Variants in SEPTIN6 observed in about 807,000 individuals in gnomAD.
SEPTIN6 encodes the protein septin-6.
SEPTIN6 carries 8 observed loss-of-function variants against 33.6 expected under a neutral mutation model. The ratio of observed to expected loss-of-function variants is 0.24; its 90% CI spans 0.14 to 0.43. SEPTIN6 has a LOEUF of 0.43. Ranked by LOEUF, SEPTIN6 falls within the 20% of genes least tolerant of loss-of-function variation. The pLI, the probability that SEPTIN6 is intolerant of heterozygous loss-of-function variation, is 1.00. For missense variants in SEPTIN6, 250 were observed against 340.8 expected, an observed-to-expected ratio of 0.73 and a Z score of 2.10; for synonymous variants, 131 against 140.0, an observed-to-expected ratio of 0.94 and a Z score of 0.45.
intron 3 of SEPTIN6, among the ~76,000 whole-genome samples, chrX:119,655,350 C>T (rs148792291): frequency 0.054 from 5,976 of 110,079 alleles, 157 homozygotes; most frequent in South Asian, 0.068. Context: ...GCTCTGCATT[C>T]CCTCCACCCC....
At chrX:119,649,391 G>A (rs1410192841) in intron 5 of SEPTIN6, among the ~76,000 whole-genome samples, 2 of 104,633 alleles carry the variant, frequency 1.9e-5, no homozygotes, top group African/African-American at 7.0e-5. Context: ...ACCATGCCCA[G>A]CCAACCCTGA....
intron 4 of SEPTIN6, among the ~76,000 whole-genome samples, chrX:119,652,360 C>T (rs1462854608): frequency 8.9e-6 from 1 of 111,800 alleles, no homozygotes; most frequent in Admixed American, 9.5e-5. Flanking sequence ...TGACAATGAG[C>T]AAGTCACTTA....
At chrX:119,678,956 C>CT (rs75714284) in intron 1 of SEPTIN6, among the ~76,000 whole-genome samples, 4 of 109,463 alleles carry the variant, frequency 3.7e-5, no homozygotes, top group East Asian at 5.7e-4. Flanking sequence ...CTTTTCTTTC[C>CT]TTTTTTTTTG....
chrX:119,667,212 C>T (rs980748233), intron 2 of SEPTIN6, among the ~76,000 whole-genome samples: 1 of 109,053 alleles, frequency 9.2e-6, no homozygotes, highest in Non-Finnish European at 1.9e-5. Flanking sequence ...GCTCCCCGAT[C>T]CTAAGAATTC....
chrX:119,677,215 T>C (rs2054856565), intron 1 of SEPTIN6, among the ~76,000 whole-genome samples: 1 of 112,024 alleles, frequency 8.9e-6, no homozygotes, highest in Non-Finnish European at 1.9e-5. Context: ...CTCCCAGCCC[T>C]GGAAAGCAGA....
chrX:119,625,495 G>A lies in SEPTIN6; in HGVS notation c.1281-116C>T. 1.2e-5 allele frequency: 8 copies of A among 670,375 alleles called. No individual in the cohort carries two copies. The South Asian group carries it at 1.7e-4, about 14-fold the overall frequency. The allele number at this position is 670,375 out of a possible 1,213,427, so 55.2% of individuals were successfully genotyped here. On this transcript the variant is annotated intron_variant, in intron 9 of 10. Transcript: ENST00000394610. ...CAAAGGTGATTAGGAGTAGCAGGAA[G>A]GGGAAGTGGGAAGGGTGGACTGGTA...
intron 3 of SEPTIN6, among the ~76,000 whole-genome samples, chrX:119,654,714 T>C (rs904780203): frequency 1.8e-5 from 2 of 111,763 alleles, no homozygotes; most frequent in Non-Finnish European, 3.8e-5. Flanking sequence ...TTTTTTAAGA[T>C]GGAGTTTCGC....
intron 1 of SEPTIN6, among the ~76,000 whole-genome samples, chrX:119,683,742 A>T (rs2055003713): frequency 9.0e-6 from 1 of 111,475 alleles, no homozygotes; most frequent in Non-Finnish European, 1.9e-5. Context: ...TTACTTTTTT[A>T]AAAAAGATTC....
chrX:119,667,956 T>TA (rs1301569112), intron 2 of SEPTIN6, among the ~76,000 whole-genome samples: 6 of 111,463 alleles, frequency 5.4e-5, no homozygotes, highest in African/African-American at 1.6e-4. Flanking sequence ...ACAATAGTTT[T>TA]AAAAAAAATT....
chrX:119,670,585 AG>A (rs2054728134), intron 2 of SEPTIN6, among the ~76,000 whole-genome samples: 1 of 105,190 alleles, frequency 9.5e-6, no homozygotes, highest in Admixed American at 1.0e-4. Context: ...AAAAAGAAGA[AG>A]AAGAAGAATT....
chrX:119,622,457 T>C (rs1480281850), intron 10 of SEPTIN6, among the ~76,000 whole-genome samples: 1 of 111,702 alleles, frequency 9.0e-6, no homozygotes, highest in East Asian at 2.8e-4. Context: ...TTTCAGATCC[T>C]GGGGAGCCAA....
In SEPTIN6 at chrX:119,675,638, C is replaced by A; in HGVS notation, c.61G>T (p.Gly21Ter). ...GGCAAGCTGTCAAACCCCACATGTC[C>A]AGCCAGGGGGACAGTTCGGCAACCT... is the stretch of plus-strand genomic sequence containing the variant. Reference protein sequence around the residue: ...GEGCRTVPLAGHVGFDSLPDQ... With the variant: ...GEGCRTVPLA The change falls in exon 2 of 11, where the codon GGA becomes TGA. Residue 21 changes from glycine to a stop codon, truncating the protein, a stop_gained. Coordinates refer to ENST00000394610, the MANE Select transcript of SEPTIN6 (RefSeq NM_145799.4). LOFTEE classifies it high-confidence loss of function. 8.7e-7 allele frequency: 1 copy of A among 1,152,799 alleles called. No homozygotes were observed. The highest frequency in any genetic ancestry group is 1.2e-6 in the Non-Finnish European group (1 of 861,780).
chrX:119,640,671 C>T (rs41311358), intron 6 of SEPTIN6, 21 bp downstream of exon 6: 22,225 of 1,150,848 alleles, frequency 0.019, 256 homozygotes, highest in Non-Finnish European at 0.02. Context: ...TGTGTGTAGC[C>T]CTTCCCGGAG....
intron 10 of SEPTIN6, among the ~76,000 whole-genome samples, chrX:119,623,524 G>A (rs1036528051): frequency 4.5e-5 from 5 of 111,586 alleles, no homozygotes; most frequent in East Asian, 2.8e-4. Flanking sequence ...AAGTTTCCAC[G>A]GTAAAGTTTA....
intron 2 of SEPTIN6, among the ~76,000 whole-genome samples, chrX:119,664,396 T>C (rs1256077848): frequency 5.3e-5 from 6 of 112,191 alleles, no homozygotes; most frequent in African/African-American, 1.9e-4. Flanking sequence ...CTCTTACCAA[T>C]GGCTATCTCT....
intron 3 of SEPTIN6, among the ~76,000 whole-genome samples, chrX:119,657,918 A>T (rs765242133): frequency 9.0e-6 from 1 of 111,717 alleles, no homozygotes; most frequent in Non-Finnish European, 1.9e-5. Context: ...GAGGTCAGGA[A>T]ATCAAGACCA....
intron 9 of SEPTIN6, 115 bp from the exon 10 acceptor site, chrX:119,625,494 AG>A: frequency 1.5e-6 from 1 of 675,224 alleles, no homozygotes; most frequent in South Asian, 2.4e-5. Context: ...AGTAGCAGGA[AG>A]GGGAAGTGGG....
rs186168692 is a variant in SEPTIN6 at position 119,627,219 on chromosome X, C to T, written c.1281-1840G>A. On this transcript the variant is annotated intron_variant, in intron 9 of 10. Transcript: ENST00000394610. ...ATGGACACCTTTTGGATCCTCAGTA[C>T]CCTTCAGTAAAGACACAGCTAAACA... Among the ~76,000 whole-genome samples, 3 of 110,839 alleles carry T rather than the reference C, an allele frequency of 2.7e-5. No homozygotes were observed. The Admixed American group carries it at 2.9e-4, about 11-fold the overall frequency.
intron 6 of SEPTIN6, among the ~76,000 whole-genome samples, chrX:119,638,022 G>A (rs751975729): frequency 2.0e-4 from 22 of 111,889 alleles, no homozygotes; most frequent in African/African-American, 6.8e-4. Flanking sequence ...GGCTAGGCAA[G>A]GTTATGTAGC....
Sources: allele counts gnomAD v4.1 joint callset (sites outside exome capture counted in the v4.1 genomes callset), GRCh38; gene constraint gnomAD v4.1.1; transcripts MANE v1.5; gene names NCBI Gene and HGNC (gene_info 2026-07-23, HGNC 2026-07-21).